Variants in RBM33 observed in about 807,000 individuals in gnomAD.
The protein encoded by RBM33 is RNA-binding protein 33.
A neutral mutation model predicts 132.6 loss-of-function variants in RBM33; 28 were observed. The ratio of observed to expected loss-of-function variants is 0.21; its 90% confidence interval spans 0.16 to 0.29. The LOEUF (loss-of-function observed/expected upper bound fraction) is 0.29, where lower values mean the gene tolerates loss of function less well. Among genes scored for constraint, RBM33 ranks in the 10% least tolerant of loss-of-function variants. The probability of loss-of-function intolerance (pLI) is 1.00; values close to 1 mark genes in which losing one functional copy is unlikely to be tolerated. For synonymous variants in RBM33, 634 were observed against 593.0 expected (o/e 1.07, Z -1.01); for missense variants, 1,291 against 1,518.5 (o/e 0.85, Z 2.49).
Position 155,766,518 on chromosome 7 carries a change from C to T in RBM33, c.3238C>T (p.Arg1080Cys), listed in dbSNP as rs146087306. The part of the protein sequence containing the change: ...RGVAGPMGRG[R>C]LMPNKQNLRV... ...AGTGGCCGGTCCCATGGGCCGGGGG[C>T]GCCTGATGCCAAACAAGCAGAACCT... Residue 1080 changes from arginine to cysteine, a missense_variant, in exon 16 of 18, where the codon CGC becomes TGC. By Grantham distance (180) the Arg-to-Cys change is radical. Transcript: ENST00000401878. The T allele has an allele frequency of 1.4e-4, 227 of 1,613,540 alleles. 2 individuals are homozygous for T. Among genetic ancestry groups the T allele is most frequent in the Non-Finnish European group, 1.8e-4 (208 of 1,179,822 alleles).
At chr7:155,754,517 T>A (rs565654630) in intron 14 of RBM33, among the ~76,000 whole-genome samples, 1 of 152,348 alleles carries the variant, frequency 6.6e-6, no homozygotes, top group South Asian at 2.1e-4. Context: ...CCACAGCATC[T>A]GGAGGTGCCT....
intron 1 of RBM33, among the ~76,000 whole-genome samples, chr7:155,664,255 G>A (rs1364801893): frequency 1.7e-5 from 2 of 116,898 alleles, no homozygotes; most frequent in African/African-American, 6.2e-5. Flanking sequence ...GTGTGTGTGT[G>A]TGTATATACA....
rs1418823052 is a variant in RBM33 at position 155,775,893 on chromosome 7, T to C, written c.*852T>C. 6.6e-6 allele frequency: 1 copy of C among 152,250 alleles called. No homozygotes were observed. Among genetic ancestry groups the C allele is most frequent in the African/African-American group, 2.4e-5 (1 of 41,452 alleles). 9.4% of individuals were successfully genotyped at this position (152,250 alleles called of 1,614,324 possible). On this transcript the variant is annotated 3_prime_UTR_variant, in exon 18 of 18. Transcript: ENST00000401878. ...CCTTTTTAAATGCAGTAAGGTGGCC[T>C]GTTTATCACTGGCTCTGTGATACAT...
chr7:155,700,977 ACT>A, intron 6 of RBM33, 33 bp downstream of exon 6: 1 of 1,545,598 alleles, frequency 6.5e-7, no homozygotes, highest in Non-Finnish European at 8.9e-7. Flanking sequence ...ATCCTCCTTT[ACT>A]CTCATTTCAA....
intron 5 of RBM33, among the ~76,000 whole-genome samples, chr7:155,682,172 C>T (rs561425550): frequency 9.2e-5 from 14 of 152,276 alleles, no homozygotes; most frequent in Admixed American, 5.9e-4. Flanking sequence ...CCGCCCGCCT[C>T]GTCCTCCCAA....
At chr7:155,695,172 ATCT>A (rs1188570515) in intron 5 of RBM33, among the ~76,000 whole-genome samples, 1 of 152,036 alleles carries the variant, frequency 6.6e-6, no homozygotes, top group Non-Finnish European at 1.5e-5. Context: ...ACTTCCGTAT[ATCT>A]TCTTTGCTTC....
Position 155,774,806 on chromosome 7 carries a change from G to C in RBM33, c.3464+159G>C, listed in dbSNP as rs182157635. 2.0e-5 allele frequency among the ~76,000 whole-genome samples: 3 copies of C among 152,198 alleles called. No homozygotes were observed. Among genetic ancestry groups the C allele is most frequent in the Admixed American group, 2.0e-4 (3 of 15,286 alleles). ...GCAGACGGTGATCCTGTCATGAGGC[G>C]CGCGTCCTTTTGTCTGGTGGAGAAT... On this transcript the variant is annotated intron_variant, in intron 17 of 17. Coordinates refer to ENST00000401878, the MANE Select transcript of RBM33 (RefSeq NM_053043.3). The surrounding 1 kb of genome is among the most constrained non-coding windows in gnomAD (Gnocchi z 4.2).
At chr7:155,706,005 C>A (rs957548854) in intron 6 of RBM33, among the ~76,000 whole-genome samples, 4 of 152,168 alleles carry the variant, frequency 2.6e-5, no homozygotes, top group African/African-American at 9.7e-5. Context: ...GCTTTTTATT[C>A]TTTATGAAAT....
rs551136712 is a variant in RBM33, at chr7:155,738,208, T to A, written c.1542T>A (p.Asn514Lys). 1.2e-6 allele frequency: 2 copies of A among 1,613,988 alleles called. No homozygotes were observed. Among genetic ancestry groups the A allele is most frequent in the South Asian group, 2.2e-5 (2 of 91,074 alleles). ...TCACTCAGCCAGGACCAGCATTTAA[T>A]CAGCAAGGACAGCAGCCAGTGTTCC... The part of the protein sequence containing the change: ...LPFTQPGPAF[N>K]QQGQQPVFPR... The change falls in exon 11 of 18, where the codon AAT (asparagine) becomes AAA (lysine). Residue 514 changes from asparagine to lysine, a missense_variant. Asn to Lys is a moderately conservative substitution (Grantham distance 94). Around this residue, in one of 7 missense-constraint regions of RBM33, gnomAD observed 841 missense variants for 912.0 expected, o/e 0.92. Coordinates refer to ENST00000401878, the MANE Select transcript of RBM33 (RefSeq NM_053043.3).
At chr7:155,658,645 C>T (rs568651032) in intron 1 of RBM33, among the ~76,000 whole-genome samples, 19 of 152,228 alleles carry the variant, frequency 1.2e-4, no homozygotes, top group East Asian at 1.2e-3. Context: ...ATGATCCACC[C>T]GCCTCGGCCT....
intron 5 of RBM33, among the ~76,000 whole-genome samples, chr7:155,694,384 T>C (rs1799733766): frequency 6.6e-6 from 1 of 152,240 alleles, no homozygotes; most frequent in Non-Finnish European, 1.5e-5. Context: ...TCACATAGTT[T>C]TGGCATGTGT....
intron 1 of RBM33, among the ~76,000 whole-genome samples, chr7:155,663,940 T>TCC (rs1342950266): frequency 6.6e-6 from 1 of 152,336 alleles, no homozygotes; most frequent in East Asian, 1.9e-4. Context: ...ATTTGTCAGT[T>TCC]CTTGTATTTT....
Position 155,741,845 on chromosome 7 carries a change from G to A in RBM33, c.2076G>A (p.Lys692=). 1.2e-6 allele frequency: 2 copies of A among 1,612,678 alleles called. No individual in the cohort carries two copies. Among genetic ancestry groups the A allele is most frequent in the South Asian group, 2.2e-5 (2 of 91,064 alleles). Residue 692 remains lysine, a synonymous_variant, in exon 13 of 18, where the codon AAG becomes AAA. Coordinates refer to ENST00000401878, the MANE Select transcript of RBM33 (RefSeq NM_053043.3). ...RHNTTSQNVS[K]RPMQQMQPTA... ...ATACAACTTCTCAGAATGTAAGCAAGCGGCCCATGCAGCAAATGCAGCCCA... is the reference window on the plus strand; with the variant it reads ...ATACAACTTCTCAGAATGTAAGCAAACGGCCCATGCAGCAAATGCAGCCCA...
intron 11 of RBM33, 92 bp from the exon 12 acceptor site, chr7:155,739,620 TTTC>T: frequency 7.3e-7 from 1 of 1,368,968 alleles, no homozygotes. Context: ...TGAAAGTTCC[TTTC>T]TTGTGTTGAG....
At chr7:155,710,499 C>G (rs1215093087) in intron 7 of RBM33, among the ~76,000 whole-genome samples, 2 of 152,152 alleles carry the variant, frequency 1.3e-5, no homozygotes, top group Non-Finnish European at 2.9e-5. Context: ...AAATAACCAC[C>G]CTCGAATTGA....
chr7:155,768,102 G>GGGT (rs1802284913), intron 16 of RBM33, among the ~76,000 whole-genome samples: 1 of 152,222 alleles, frequency 6.6e-6, no homozygotes, highest in Non-Finnish European at 1.5e-5. Flanking sequence ...GTGGGCAGAA[G>GGGT]GGTTGCACTG....
intron 2 of RBM33, among the ~76,000 whole-genome samples, chr7:155,671,964 A>G (rs947131418): frequency 2.0e-5 from 3 of 152,154 alleles, no homozygotes; most frequent in Non-Finnish European, 2.9e-5. Context: ...AAATAGGGAG[A>G]AAGCCGGCTT....
intron 1 of RBM33, 62 bp from the exon 2 acceptor site, chr7:155,665,113 A>T (rs1798765572): frequency 1.4e-6 from 2 of 1,430,940 alleles, no homozygotes; most frequent in East Asian, 4.6e-5. Context: ...TTAGTGTTTG[A>T]ATTATTTGCA....
intron 1 of RBM33, among the ~76,000 whole-genome samples, chr7:155,661,173 A>C (rs1798640533): frequency 8.7e-6 from 1 of 115,552 alleles, no homozygotes; most frequent in Non-Finnish European, 1.7e-5. Context: ...ACAGAGTCTC[A>C]CTCTTGCCAG....
Sources: gnomAD v4.1 joint callset for allele counts (sites outside exome capture counted in the v4.1 genomes callset) on GRCh38, gnomAD v4.1.1 for gene constraint, gnomAD v4.1.1 regional missense constraint, Gnocchi (gnomAD v3.1) non-coding constraint, MANE v1.5 for transcripts, NCBI Gene and HGNC (gene_info 2026-07-23, HGNC 2026-07-21) for gene names.